Variants in KCNH7 observed in about 807,000 individuals in gnomAD.
KCNH7 encodes the protein potassium voltage-gated channel subfamily H member 7.
KCNH7 carries 49 observed loss-of-function variants against 120.8 expected under a neutral mutation model. The ratio of observed to expected loss-of-function variants is 0.41; its 90% CI spans 0.32 to 0.51. The LOEUF (loss-of-function observed/expected upper bound fraction) is 0.51. Among genes scored for constraint, KCNH7 ranks in the 20% least tolerant of loss-of-function variants. The pLI is 0.38. For missense variants in KCNH7, 1,097 were observed against 1,446.6 expected (o/e 0.76, Z 3.92); for synonymous variants, 547 against 516.1 (o/e 1.06, Z -0.81).
At chr2:162,551,685 C>CTT (rs1692672762) in intron 2 of KCNH7, among the ~76,000 whole-genome samples, 5 of 151,954 alleles carry the variant, frequency 3.3e-5, no homozygotes, top group Non-Finnish European at 7.4e-5. Flanking sequence ...GAATGTATTG[C>CTT]ACGTATTGGA....
chr2:162,553,834 G>A (rs567002087), intron 2 of KCNH7, among the ~76,000 whole-genome samples: 13 of 152,142 alleles, frequency 8.5e-5, no homozygotes, highest in Non-Finnish European at 1.9e-4. Flanking sequence ...GTCCCCACAT[G>A]AGCAACTAAA....
chr2:162,541,833 ACCC>A (rs1692313560), intron 2 of KCNH7, among the ~76,000 whole-genome samples: 2 of 152,114 alleles, frequency 1.3e-5, no homozygotes, highest in African/African-American at 2.4e-5. Flanking sequence ...CTGCACATGT[ACCC>A]CTGAACTTAA....
chr2:162,772,804 T>C (rs1257423223), intron 2 of KCNH7, among the ~76,000 whole-genome samples: 8 of 152,238 alleles, frequency 5.3e-5, no homozygotes, highest in Non-Finnish European at 1.0e-4. Flanking sequence ...ATTCATTTAA[T>C]GTGTACCAAT....
At chr2:162,836,023 T>G (rs925641060) in intron 2 of KCNH7, among the ~76,000 whole-genome samples, 1 of 152,196 alleles carries the variant, frequency 6.6e-6, no homozygotes, top group African/African-American at 2.4e-5. Flanking sequence ...AGTTCCTATT[T>G]ATCATCCTTA....
At chr2:162,657,265 A>G (rs1684795355) in intron 2 of KCNH7, among the ~76,000 whole-genome samples, 2 of 152,188 alleles carry the variant, frequency 1.3e-5, no homozygotes, top group Admixed American at 1.3e-4. Flanking sequence ...ATAGTTTCAT[A>G]GAGAATAGTT....
intron 2 of KCNH7, among the ~76,000 whole-genome samples, chr2:162,651,780 C>T (rs1370327460): frequency 6.6e-6 from 1 of 152,114 alleles, no homozygotes; most frequent in Non-Finnish European, 1.5e-5. Flanking sequence ...AATTGTCATA[C>T]TGCTTTCTAC....
intron 2 of KCNH7, among the ~76,000 whole-genome samples, chr2:162,811,136 C>T (rs1204565597): frequency 3.3e-5 from 5 of 152,050 alleles, no homozygotes; most frequent in African/African-American, 1.2e-4. Flanking sequence ...CCCTCTAGAA[C>T]ATTAGAGTCA....
At chr2:162,815,334 G>GT (rs1171476441) in intron 2 of KCNH7, among the ~76,000 whole-genome samples, 4 of 151,646 alleles carry the variant, frequency 2.6e-5, no homozygotes, top group South Asian at 2.1e-4. Flanking sequence ...AATGAGACAT[G>GT]TTTTTTCCCA....
intron 6 of KCNH7, among the ~76,000 whole-genome samples, chr2:162,497,589 C>T (rs1343383858): frequency 1.3e-5 from 2 of 152,078 alleles, no homozygotes; most frequent in Non-Finnish European, 2.9e-5. Flanking sequence ...GGAAACAGAA[C>T]AGAATCATAA....
intron 2 of KCNH7, among the ~76,000 whole-genome samples, chr2:162,541,010 G>T (rs532653261): frequency 4.8e-4 from 73 of 152,140 alleles, no homozygotes; most frequent in Non-Finnish European, 9.7e-4. Flanking sequence ...ATAATGAGAG[G>T]TGTCCAAGTT....
chr2:162,829,752 T>G (rs1270137156), intron 2 of KCNH7, among the ~76,000 whole-genome samples: 3 of 145,260 alleles, frequency 2.1e-5, no homozygotes, highest in African/African-American at 7.7e-5. Context: ...AAATTGTTTT[T>G]AATATTTTAG....
intron 12 of KCNH7, among the ~76,000 whole-genome samples, chr2:162,394,176 G>T (rs1157801696): frequency 6.6e-6 from 1 of 151,888 alleles, no homozygotes; most frequent in Non-Finnish European, 1.5e-5. Context: ...CGATGTCCTT[G>T]TGAATATTAG....
At chr2:162,715,115 G>T (rs1032550320) in intron 2 of KCNH7, among the ~76,000 whole-genome samples, 3 of 152,126 alleles carry the variant, frequency 2.0e-5, no homozygotes, top group Non-Finnish European at 4.4e-5. Context: ...TTACTATAAA[G>T]AAATACCTGA....
intron 2 of KCNH7, among the ~76,000 whole-genome samples, chr2:162,600,350 T>C (rs1694510480): frequency 6.6e-6 from 1 of 152,062 alleles, no homozygotes; most frequent in Non-Finnish European, 1.5e-5. Context: ...AGCATCTTCC[T>C]TTAGGGTACT....
At chr2:162,667,283 A>C (rs2105289193) in intron 2 of KCNH7, among the ~76,000 whole-genome samples, 2 of 152,208 alleles carry the variant, frequency 1.3e-5, no homozygotes, top group South Asian at 4.2e-4. Flanking sequence ...AGTCTCCTGA[A>C]GTGATAGAAT....
At chr2:162,558,566 C>T (rs1692944705) in intron 2 of KCNH7, among the ~76,000 whole-genome samples, 3 of 133,044 alleles carry the variant, frequency 2.3e-5, no homozygotes, top group Admixed American at 1.7e-4. Context: ...AAAATGAGAA[C>T]CTGCAGTATG....
At chr2:162,488,318 C>T (rs914049124) in intron 6 of KCNH7, among the ~76,000 whole-genome samples, 1 of 152,142 alleles carries the variant, frequency 6.6e-6, no homozygotes, top group African/African-American at 2.4e-5. Flanking sequence ...TCCAACAGAA[C>T]TTTTAAAGGA....
chr2:162,425,060 A>G (rs2105494750), intron 8 of KCNH7, among the ~76,000 whole-genome samples: 1 of 152,250 alleles, frequency 6.6e-6, no homozygotes, highest in Middle Eastern at 3.4e-3. Context: ...TAGAAGAAAA[A>G]GGGGAAGTAA....
chr2:162,492,474 T>C (rs531093404), intron 6 of KCNH7, among the ~76,000 whole-genome samples: 1 of 151,016 alleles, frequency 6.6e-6, no homozygotes, highest in African/African-American at 2.5e-5. Flanking sequence ...ATGAGTACTT[T>C]CTGGTTAATA....
Sources: gnomAD v4.1 joint callset for allele counts (sites outside exome capture counted in the v4.1 genomes callset) on GRCh38, gnomAD v4.1.1 for gene constraint, MANE v1.5 for transcripts, NCBI Gene and HGNC (gene_info 2026-07-23, HGNC 2026-07-21) for gene names.